Variants in CTIF observed in about 807,000 individuals in gnomAD.
CTIF encodes the protein cap binding complex dependent translation initiation factor.
In CTIF, 21 loss-of-function variants were observed where a neutral mutation model predicts 66.0. The ratio of observed to expected loss-of-function variants is 0.32; its 90% CI spans 0.23 to 0.46. CTIF has a LOEUF of 0.46. Among genes scored for constraint, CTIF ranks in the 20% least tolerant of loss-of-function variants. The pLI, the probability that CTIF is intolerant of heterozygous loss-of-function variation, is 1.00. For synonymous variants in CTIF, 345 were observed against 326.4 expected (o/e 1.06, Z -0.62); for missense variants, 739 against 812.7 (o/e 0.91, Z 1.10).
chr18:48,677,819 C>A (rs372565552), intron 6 of CTIF, among the ~76,000 whole-genome samples: 1 of 152,140 alleles, frequency 6.6e-6, no homozygotes, highest in African/African-American at 2.4e-5. Context: ...TTGCTCCTGC[C>A]CCAGAGGGAC....
chr18:48,540,818 C>T (rs1016563582), intron 1 of CTIF, among the ~76,000 whole-genome samples: 1 of 152,112 alleles, frequency 6.6e-6, no homozygotes, highest in African/African-American at 2.4e-5. Flanking sequence ...CAGCCCCCTC[C>T]TTGTCTAAGT....
At chr18:48,628,110 G>T (rs901310386) in intron 2 of CTIF, among the ~76,000 whole-genome samples, 27 of 152,312 alleles carry the variant, frequency 1.8e-4, no homozygotes, top group African/African-American at 5.8e-4. Context: ...GATTGACCCT[G>T]AAGATTTTAG....
chr18:48,646,198 A>C (rs1373772232), intron 3 of CTIF, among the ~76,000 whole-genome samples: 1 of 152,184 alleles, frequency 6.6e-6, no homozygotes, highest in African/African-American at 2.4e-5. Context: ...ATATATAAAG[A>C]ACTCTCAAAA....
chr18:48,649,173 A>G (rs1457572901), intron 3 of CTIF, among the ~76,000 whole-genome samples: 1 of 152,158 alleles, frequency 6.6e-6, no homozygotes, highest in African/African-American at 2.4e-5. Context: ...CGAGAAGCAC[A>G]AGGGGTCAGG....
At chr18:48,576,036 C>T (rs1438065279) in intron 1 of CTIF, among the ~76,000 whole-genome samples, 4 of 152,244 alleles carry the variant, frequency 2.6e-5, no homozygotes, top group Non-Finnish European at 4.4e-5. Context: ...CTCAGAGAGC[C>T]GCCGAAGAAC....
intron 3 of CTIF, among the ~76,000 whole-genome samples, chr18:48,659,942 T>C (rs982915250): frequency 6.6e-5 from 10 of 151,932 alleles, no homozygotes; most frequent in Non-Finnish European, 1.2e-4. Flanking sequence ...ATATGTTCCC[T>C]GAGTTGTTGT....
At chr18:48,829,559 T>G (rs2068648170) in intron 10 of CTIF, among the ~76,000 whole-genome samples, 2 of 152,176 alleles carry the variant, frequency 1.3e-5, no homozygotes, top group African/African-American at 4.8e-5. Context: ...CCTCCGTGCT[T>G]CCCAGAGTGG....
intron 9 of CTIF, among the ~76,000 whole-genome samples, chr18:48,763,743 C>T (rs116463950): frequency 3.6e-4 from 55 of 152,260 alleles, no homozygotes; most frequent in African/African-American, 1.3e-3. Context: ...AGTGTACCCT[C>T]GATTTTGCAC....
At chr18:48,589,882 C>G (rs2089852327) in intron 1 of CTIF, among the ~76,000 whole-genome samples, 1 of 152,234 alleles carries the variant, frequency 6.6e-6, no homozygotes, top group African/African-American at 2.4e-5. Context: ...TTTATTCTTT[C>G]ACTTTTTGTC....
At chr18:48,694,663 G>A (rs138501855) in intron 6 of CTIF, among the ~76,000 whole-genome samples, 7 of 152,306 alleles carry the variant, frequency 4.6e-5, no homozygotes, top group South Asian at 2.1e-4. Flanking sequence ...CTTTAATGCC[G>A]TGCATCCACA....
chr18:48,741,280 G>A (rs113558329), intron 7 of CTIF, among the ~76,000 whole-genome samples: 4 of 53,960 alleles, frequency 7.4e-5, no homozygotes, highest in Admixed American at 2.1e-4. Context: ...CTCTGCCCCC[G>A]CCCCCCCTCC....
intron 10 of CTIF, among the ~76,000 whole-genome samples, chr18:48,820,428 C>A (rs1484490929): frequency 2.0e-5 from 3 of 152,168 alleles, no homozygotes; most frequent in Non-Finnish European, 4.4e-5. Flanking sequence ...GGCTTTCCCC[C>A]TGGGGCCATG....
chr18:48,660,179 C>T (rs538000144), intron 3 of CTIF, among the ~76,000 whole-genome samples: 2 of 150,338 alleles, frequency 1.3e-5, no homozygotes, highest in African/African-American at 4.9e-5. Context: ...TGATATCGTT[C>T]AGGGATATGT....
At chr18:48,593,420 G>T (rs527721607) in intron 1 of CTIF, among the ~76,000 whole-genome samples, 2 of 143,892 alleles carry the variant, frequency 1.4e-5, no homozygotes, top group African/African-American at 2.6e-5. Context: ...TCGCTCTGTC[G>T]CCCAGGCCAG....
intron 7 of CTIF, among the ~76,000 whole-genome samples, chr18:48,722,931 C>T (rs1051181012): frequency 5.9e-5 from 9 of 152,248 alleles, no homozygotes; most frequent in Non-Finnish European, 4.4e-5. Flanking sequence ...TCTGCCAAGC[C>T]TGGATGTCAC....
chr18:48,566,068 G>A (rs1476409106), intron 1 of CTIF: 1 of 152,218 alleles, frequency 6.6e-6, no homozygotes, highest in Non-Finnish European at 1.5e-5. Context: ...CTTCTTAACA[G>A]GCAACAAGTT....
chr18:48,585,149 A>G (rs920594053), intron 1 of CTIF, among the ~76,000 whole-genome samples: 1 of 152,218 alleles, frequency 6.6e-6, no homozygotes. Context: ...CATTTCTCAA[A>G]CCCAGAGCAT....
intron 7 of CTIF, among the ~76,000 whole-genome samples, chr18:48,730,389 GCTGTGTGAGGGGCTTCCA>G (rs1190301775): frequency 7.0e-6 from 1 of 142,378 alleles, no homozygotes; most frequent in African/African-American, 2.6e-5. Context: ...AGGGGCTCCT[GCTGTGTGAGGGGCTTCCA>G]CGGTGTGTGG....
intron 7 of CTIF, among the ~76,000 whole-genome samples, chr18:48,734,976 T>C (rs903735759): frequency 2.0e-5 from 3 of 152,250 alleles, no homozygotes; most frequent in Admixed American, 6.5e-5. Context: ...CATGTGTGTT[T>C]ATATGCATTT....
Sources: gnomAD v4.1 joint callset for allele counts (sites outside exome capture counted in the v4.1 genomes callset) on GRCh38, gnomAD v4.1.1 for gene constraint, MANE v1.5 for transcripts, NCBI Gene and HGNC (gene_info 2026-07-23, HGNC 2026-07-21) for gene names.